Variants in TIMP2 observed in about 807,000 individuals in gnomAD.
TIMP2 encodes TIMP metallopeptidase inhibitor 2.
A neutral mutation model predicts 24.3 loss-of-function variants in TIMP2; 5 were observed. That is an observed-to-expected ratio of 0.21 (90% CI 0.11 to 0.43). The LOEUF is 0.43. Among genes scored for constraint, TIMP2 ranks in the 20% least tolerant of loss-of-function variants. The pLI, the probability that TIMP2 is intolerant of heterozygous loss-of-function variation, is 1.00. For synonymous variants in TIMP2, 130 were observed against 123.2 expected, an observed-to-expected ratio of 1.06 and a Z score of -0.37; for missense variants, 221 against 297.5, an observed-to-expected ratio of 0.74 and a Z score of 1.89.
intron 1 of TIMP2, among the ~76,000 whole-genome samples, chr17:78,922,051 G>A (rs1035807137): frequency 3.9e-5 from 6 of 152,262 alleles, no homozygotes; most frequent in Admixed American, 3.9e-4. Context: ...CACAGCCCTG[G>A]TTAAATCACC....
At position 78,888,562 on chromosome 17, in the gene TIMP2, C is replaced by T. The variant is rs537392045; in HGVS notation, c.131-14643G>A. ...CAGTCTCTGGGGCTCAAATGAACCT[C>T]TTGCCTCAGCCTCACGAGTAGCTGG... On this transcript the variant is annotated intron_variant, in intron 1 of 4. Transcript: ENST00000262768. Among the ~76,000 whole-genome samples the T allele has an allele frequency of 3.9e-5, 6 of 152,336 alleles. No individual in the cohort carries two copies. The South Asian group carries it at 8.3e-4, about 21-fold the overall frequency.
intron 1 of TIMP2, among the ~76,000 whole-genome samples, chr17:78,919,258 G>C (rs1490366537): frequency 3.9e-5 from 6 of 152,240 alleles, no homozygotes; most frequent in Non-Finnish European, 8.8e-5. Flanking sequence ...GGCTGCGTGG[G>C]TCCCGGGATG....
intron 1 of TIMP2, among the ~76,000 whole-genome samples, chr17:78,887,112 AAG>A (rs762234743): frequency 1.1e-4 from 16 of 152,282 alleles, no homozygotes; most frequent in East Asian, 7.7e-4. Flanking sequence ...GCAAAAACAA[AAG>A]AGTCTTGTGG....
chr17:78,922,333 G>A (rs995605823), intron 1 of TIMP2: 7 of 152,246 alleles, frequency 4.6e-5, no homozygotes, highest in South Asian at 2.1e-4. Context: ...GGTTGAGCAC[G>A]GAAAGGGTGA....
At position 78,925,036 on chromosome 17, in the gene TIMP2, G is replaced by T. The variant is rs1302248958; in HGVS notation, c.53C>A (p.Ala18Glu). 9 of 1,192,608 alleles carry T rather than the reference G, an allele frequency of 7.5e-6. No homozygotes were observed. The highest frequency in any genetic ancestry group is 1.6e-5 in the African/African-American group (1 of 61,008). The allele number at this position is 1,192,608 out of a possible 1,614,324, so 73.9% of individuals were successfully genotyped here. Reference protein sequence around the residue: ...LRLALGLLLLATLLRPADACS... With the variant: ...LRLALGLLLLETLLRPADACS... ...GGCGTCGGCCGGGCGAAGCAGCGTC[G>T]CCAGCAGCAGGAGGCCGAGCGCCAG... Residue 18 changes from alanine to glutamate, a missense_variant, in exon 1 of 5, where the codon GCG becomes GAG. By Grantham distance (107) the Ala-to-Glu change is moderately radical. Transcript: ENST00000262768.
chr17:78,855,220 G>A lies in TIMP2; in HGVS notation c.*447C>T, dbSNP rs955451127. The A allele has an allele frequency of 1.1e-5, 2 of 187,646 alleles. No individual in the cohort carries two copies. The highest frequency in any genetic ancestry group is 2.3e-5 in the Non-Finnish European group (2 of 86,980). The allele number at this position is 187,646 out of a possible 1,614,324, so 11.6% of individuals were successfully genotyped here. On this transcript the variant is annotated 3_prime_UTR_variant, in exon 5 of 5. Coordinates refer to ENST00000262768, the MANE Select transcript of TIMP2 (RefSeq NM_003255.5). This position sits in a 1 kb window ranked among gnomAD's most constrained non-coding sequence, Gnocchi z 6.0. ...GGAAGCTGCAGAAAACAAGGGCCAT[G>A]TCCCTCTCAAGATGAAAGGGACCTG...
chr17:78,874,941 A>G (rs1245660616), intron 1 of TIMP2, among the ~76,000 whole-genome samples: 4 of 152,100 alleles, frequency 2.6e-5, no homozygotes, highest in Non-Finnish European at 5.9e-5. Context: ...GCGTTTCGCC[A>G]TGTTGGCCAG....
intron 3 of TIMP2, among the ~76,000 whole-genome samples, chr17:78,869,702 C>G (rs1054215336): frequency 6.6e-6 from 1 of 151,820 alleles, no homozygotes; most frequent in Admixed American, 6.6e-5. Context: ...ATAATCCCAG[C>G]TACTTGAGAG....
In TIMP2 at chr17:78,855,308, G is replaced by C; in HGVS notation, c.*359C>G. 1 of 340,490 alleles carries C rather than the reference G, an allele frequency of 2.9e-6. No homozygotes were observed. The highest frequency in any genetic ancestry group is 5.6e-6 in the Non-Finnish European group (1 of 178,276). 21.1% of individuals were successfully genotyped at this position (340,490 alleles called of 1,614,324 possible). On this transcript the variant is annotated 3_prime_UTR_variant, in exon 5 of 5. Transcript: ENST00000262768. The surrounding 1 kb of genome is among the most constrained non-coding windows in gnomAD (Gnocchi z 6.0). ...GTTTCTGCAAAATGCACATTTCCAG[G>C]CCCTGCCCTAACCCAGCTGGGAGAT...
intron 1 of TIMP2, among the ~76,000 whole-genome samples, chr17:78,888,794 C>G (rs2069850076): frequency 6.6e-6 from 1 of 152,130 alleles, no homozygotes; most frequent in Non-Finnish European, 1.5e-5. Context: ...AGGTAGCGCA[C>G]AGGTAGTGAA....
At chr17:78,880,941 G>A (rs1200303226) in intron 1 of TIMP2, among the ~76,000 whole-genome samples, 2 of 152,162 alleles carry the variant, frequency 1.3e-5, no homozygotes, top group African/African-American at 4.8e-5. Flanking sequence ...CCTCTCCCCG[G>A]GGCACTCCAC....
chr17:78,890,972 T>G, intron 1 of TIMP2: 1 of 1,551,242 alleles, frequency 6.4e-7, no homozygotes, highest in Non-Finnish European at 8.7e-7. Flanking sequence ...TTGTCTTCTC[T>G]GCTCCATCTC....
At chr17:78,871,449 C>CAAAAAAAAAAAAA (rs749440079) in intron 2 of TIMP2, among the ~76,000 whole-genome samples, 1 of 122,566 alleles carries the variant, frequency 8.2e-6, no homozygotes, top group African/African-American at 3.1e-5. Context: ...AAGACTCCGT[C>CAAAAAAAAAAAAA]AAAAAAAAAA....
At chr17:78,890,955 G>T (rs2069881712) in intron 1 of TIMP2, 2 of 1,551,088 alleles carry the variant, frequency 1.3e-6, no homozygotes, top group Non-Finnish European at 8.7e-7. Flanking sequence ...AGCGATTCCA[G>T]TTGTTTTTGT....
At chr17:78,884,779 T>C (rs2069811111) in intron 1 of TIMP2, among the ~76,000 whole-genome samples, 1 of 152,154 alleles carries the variant, frequency 6.6e-6, no homozygotes, top group South Asian at 2.1e-4. Context: ...CCCCTTGCCA[T>C]TTGCACGAAC....
chr17:78,921,100 T>C (rs561049283), intron 1 of TIMP2, among the ~76,000 whole-genome samples: 1 of 152,314 alleles, frequency 6.6e-6, no homozygotes, highest in East Asian at 1.9e-4. Context: ...CTCACATGAA[T>C]CTGATGCTGT....
Position 78,853,168 on chromosome 17 carries a change from C to T in TIMP2, c.*2499G>A, listed in dbSNP as rs1433460448. On this transcript the variant is annotated 3_prime_UTR_variant, in exon 5 of 5. Transcript: ENST00000262768. The stretch of plus-strand genomic sequence containing the variant: ...CCTCCCCCAAAAATCCAAACGGAAA[C>T]AAAATCAACAGAGCTTTAAATTACG... The T allele has an allele frequency of 6.6e-6, 1 of 152,548 alleles. No homozygotes were observed. Among genetic ancestry groups the T allele is most frequent in the African/African-American group, 2.4e-5 (1 of 41,420 alleles). The allele number at this position is 152,548 out of a possible 1,614,324, so 9.4% of individuals were successfully genotyped here.
chr17:78,902,386 G>C lies in TIMP2; in HGVS notation c.130+22573C>G, dbSNP rs541221628. ...GCCTCCCAAAGTGCTGGGATTCCAGGCATGAGCCACCATGCCCAGCCTGCA... is the reference window on the plus strand; with the variant it reads ...GCCTCCCAAAGTGCTGGGATTCCAGCCATGAGCCACCATGCCCAGCCTGCA... On this transcript the variant is annotated intron_variant, in intron 1 of 4. Transcript: ENST00000262768. 2.0e-5 allele frequency among the ~76,000 whole-genome samples: 3 copies of C among 152,352 alleles called. No homozygotes were observed. In the East Asian group the frequency reaches 5.8e-4, roughly 29 times the overall value.
At chr17:78,906,115 C>T (rs971579793) in intron 1 of TIMP2, among the ~76,000 whole-genome samples, 4 of 152,196 alleles carry the variant, frequency 2.6e-5, no homozygotes, top group Non-Finnish European at 5.9e-5. Flanking sequence ...TCACGCCTGT[C>T]ATCCCAGCAC....
Sources: gnomAD v4.1 joint callset for allele counts (sites outside exome capture counted in the v4.1 genomes callset) on GRCh38, gnomAD v4.1.1 for gene constraint, Gnocchi (gnomAD v3.1) non-coding constraint, MANE v1.5 for transcripts, NCBI Gene and HGNC (gene_info 2026-07-23, HGNC 2026-07-21) for gene names.